The following RTF1 variants were observed in gnomAD, a reference collection of about 807,000 sequenced individuals.
The protein encoded by RTF1 is RTF1 homolog, Paf1/RNA polymerase II complex component.
RTF1 carries 10 observed loss-of-function variants against 95.7 expected under a neutral mutation model. That is an observed-to-expected ratio of 0.10 (90% CI 0.06 to 0.18). The LOEUF (loss-of-function observed/expected upper bound fraction) is 0.18, where lower values mean the gene tolerates loss of function less well. Among genes scored for constraint, RTF1 ranks in the 10% least tolerant of loss-of-function variants. The pLI is 1.00. For synonymous variants in RTF1, 305 were observed against 311.8 expected, an observed-to-expected ratio of 0.98 and a Z score of 0.23; for missense variants, 458 against 875.6, an observed-to-expected ratio of 0.52 and a Z score of 6.02.
intron 13 of RTF1, 75 bp from the exon 14 acceptor site, chr15:41,477,383 T>C: frequency 6.2e-7 from 1 of 1,612,958 alleles, no homozygotes; most frequent in Non-Finnish European, 8.5e-7. Context: ...ACCCCATAGA[T>C]ATCTGAGTTC....
At chr15:41,426,774 C>CAT (rs201108073) in intron 1 of RTF1, among the ~76,000 whole-genome samples, 5 of 75,172 alleles carry the variant, frequency 6.7e-5, no homozygotes, top group East Asian at 5.8e-4. Flanking sequence ...CCAGCCGCTA[C>CAT]ATATATATGT....
chr15:41,453,707 C>CA (rs1212605222), intron 3 of RTF1, among the ~76,000 whole-genome samples: 1 of 148,694 alleles, frequency 6.7e-6, no homozygotes, highest in Admixed American at 6.8e-5. Flanking sequence ...AGTGACAGAG[C>CA]AAGACCCTTT....
intron 4 of RTF1, among the ~76,000 whole-genome samples, chr15:41,462,141 T>C (rs546058646): frequency 3.4e-4 from 52 of 152,208 alleles, no homozygotes; most frequent in Middle Eastern, 3.4e-3. Context: ...AAAATTGATA[T>C]TTTAGTAGTT....
chr15:41,460,542 G>T (rs2050842325), intron 4 of RTF1, among the ~76,000 whole-genome samples: 1 of 152,216 alleles, frequency 6.6e-6, no homozygotes, highest in Admixed American at 6.5e-5. Context: ...ACTGTGGAAA[G>T]CATAGTAAGA....
intron 1 of RTF1, among the ~76,000 whole-genome samples, chr15:41,423,024 G>A (rs778694471): frequency 3.0e-4 from 46 of 152,032 alleles, no homozygotes; most frequent in African/African-American, 5.3e-4. Context: ...CACCCTCCTC[G>A]GCCTCCCAAA....
At chr15:41,475,678 T>G in intron 10 of RTF1, 34 bp from the exon 11 acceptor site, 2 of 1,599,564 alleles carry the variant, frequency 1.3e-6, no homozygotes, top group Non-Finnish European at 8.6e-7. Flanking sequence ...CCAAAATCCC[T>G]TACTAATAAT....
In RTF1 at chr15:41,471,182, A is replaced by G; in HGVS notation, c.1036A>G (p.Ile346Val). Reference protein sequence around the residue: ...SSDEEEEKEEIPPKSQPVSLP... With the variant: ...SSDEEEEKEEVPPKSQPVSLP... ...CTTTGTTCCTCTTAGGAAAGAAGAG[A>G]TCCCTCCCAAATCCCAACCAGTTTC... is the stretch of plus-strand genomic sequence containing the variant. Residue 346 changes from isoleucine (I) to valine (V), a missense_variant, in exon 8 of 18, where the codon ATC becomes GTC. Ile to Val is a conservative substitution (Grantham distance 29). This residue lies in a region of RTF1 where 150 missense variants were observed against 275.7 expected (regional missense o/e 0.54). Coordinates refer to ENST00000389629, the MANE Select transcript of RTF1 (RefSeq NM_015138.5). 6.2e-7 allele frequency: 1 copy of G among 1,607,676 alleles called. No homozygotes were observed. Among genetic ancestry groups the G allele is most frequent in the Non-Finnish European group, 8.5e-7 (1 of 1,177,650 alleles).
At position 41,441,503 on chromosome 15, in the gene RTF1, T is replaced by C. The variant is rs908570727; in HGVS notation, c.309+3072T>C. ...AAAAGTTAGGTCAGAGTCCTAACTT[T>C]TGCAGTTAGTACTGAGATTCCCTTC... On this transcript the variant is annotated intron_variant, in intron 2 of 17. Transcript: ENST00000389629. Among the ~76,000 whole-genome samples, 4 of 152,292 alleles carry C rather than the reference T, an allele frequency of 2.6e-5. No homozygotes were observed. In the East Asian group the frequency reaches 7.7e-4, roughly 29 times the overall value.
chr15:41,426,274 C>G (rs1442439032), intron 1 of RTF1, among the ~76,000 whole-genome samples: 2 of 151,828 alleles, frequency 1.3e-5, no homozygotes, highest in Non-Finnish European at 2.9e-5. Flanking sequence ...CAGGCACATG[C>G]CACCATGCCC....
At chr15:41,445,437 G>A (rs1236234841) in intron 2 of RTF1, among the ~76,000 whole-genome samples, 1 of 152,084 alleles carries the variant, frequency 6.6e-6, no homozygotes, top group Non-Finnish European at 1.5e-5. Flanking sequence ...TAATTATATT[G>A]TTCATTTTTT....
chr15:41,423,799 C>T (rs1235821935), intron 1 of RTF1, among the ~76,000 whole-genome samples: 1 of 152,106 alleles, frequency 6.6e-6, no homozygotes, highest in Non-Finnish European at 1.5e-5. Flanking sequence ...GTTGCCCAGG[C>T]TGGAGTGCAG....
intron 3 of RTF1, among the ~76,000 whole-genome samples, chr15:41,456,350 G>T (rs143271697): frequency 5.3e-5 from 8 of 151,474 alleles, no homozygotes; most frequent in Non-Finnish European, 1.2e-4. Context: ...TTAGCCAGGC[G>T]TGGTGGTGGG....
intron 2 of RTF1, among the ~76,000 whole-genome samples, chr15:41,450,688 G>A (rs960303967): frequency 6.6e-6 from 1 of 152,074 alleles, no homozygotes; most frequent in Non-Finnish European, 1.5e-5. Flanking sequence ...GGTGGCTTGT[G>A]CCTGTAATCC....
At chr15:41,418,888 A>T (rs1344950060) in intron 1 of RTF1, among the ~76,000 whole-genome samples, 3 of 151,714 alleles carry the variant, frequency 2.0e-5, no homozygotes, top group Non-Finnish European at 2.9e-5. Flanking sequence ...GGAGTCTCGC[A>T]CTGTCGCCCA....
chr15:41,439,166 G>A (rs2050720225), intron 2 of RTF1, among the ~76,000 whole-genome samples: 1 of 151,206 alleles, frequency 6.6e-6, no homozygotes, highest in East Asian at 2.0e-4. Context: ...TGACTAGCTG[G>A]GACTACAGGC....
At chr15:41,443,178 G>A (rs2050744349) in intron 2 of RTF1, among the ~76,000 whole-genome samples, 1 of 152,292 alleles carries the variant, frequency 6.6e-6, no homozygotes, top group African/African-American at 2.4e-5. Flanking sequence ...TGATGAGGGA[G>A]AGGGAAATGG....
intron 2 of RTF1, among the ~76,000 whole-genome samples, chr15:41,448,578 G>C (rs953128483): frequency 6.6e-5 from 10 of 151,924 alleles, no homozygotes; most frequent in African/African-American, 2.4e-4. Flanking sequence ...AATTAGCTGG[G>C]TGTGGGGGCA....
At chr15:41,468,484 A>G (rs2050892375) in intron 6 of RTF1, among the ~76,000 whole-genome samples, 1 of 151,740 alleles carries the variant, frequency 6.6e-6, no homozygotes, top group Admixed American at 6.6e-5. Context: ...CGCCCAGCTA[A>G]TTTTTTGTAT....
At chr15:41,470,457 T>C in intron 7 of RTF1, 65 bp downstream of exon 7, 2 of 1,562,326 alleles carry the variant, frequency 1.3e-6, no homozygotes, top group Admixed American at 3.5e-5. Flanking sequence ...GAGCTTGGTA[T>C]CGTTTCCAAA....
Sources: gnomAD v4.1 joint callset for allele counts (sites outside exome capture counted in the v4.1 genomes callset) on GRCh38, gnomAD v4.1.1 for gene constraint, gnomAD v4.1.1 regional missense constraint, MANE v1.5 for transcripts, NCBI Gene and HGNC (gene_info 2026-07-23, HGNC 2026-07-21) for gene names.